The following CERS4 variants were observed in gnomAD, a reference collection of about 807,000 sequenced individuals.
CERS4 encodes ceramide synthase 4.
CERS4 carries 65 observed loss-of-function variants against 51.8 expected under a neutral mutation model. That is an observed-to-expected ratio of 1.26 (90% CI 1.03 to 1.54). CERS4 has a LOEUF of 1.54. Ranked by LOEUF, CERS4 falls within the 40% of genes most tolerant of loss-of-function variation. CERS4 has a pLI of 0.00. For synonymous variants in CERS4, 228 were observed against 208.4 expected, an observed-to-expected ratio of 1.09 and a Z score of -0.81; for missense variants, 563 against 500.4, an observed-to-expected ratio of 1.13 and a Z score of -1.19.
chr19:8,230,470 G>A (rs973008557), intron 2 of CERS4, among the ~76,000 whole-genome samples: 3 of 152,086 alleles, frequency 2.0e-5, no homozygotes, highest in African/African-American at 2.4e-5. Flanking sequence ...GATTACAGGC[G>A]GGAGCCACTG....
At chr19:8,257,428 G>C (rs921817377) in intron 9 of CERS4, among the ~76,000 whole-genome samples, 1 of 131,662 alleles carries the variant, frequency 7.6e-6, no homozygotes, top group East Asian at 2.2e-4. Flanking sequence ...GTGCACACAC[G>C]CATGTATTCA....
rs1349357731 is a variant in CERS4 at position 8,255,624 on chromosome 19, G to A, written c.309G>A (p.Leu103=). Residue 103 remains leucine (L), a synonymous_variant, in exon 5 of 12, where the codon CTG becomes CTA. Coordinates refer to ENST00000251363, the MANE Select transcript of CERS4 (RefSeq NM_024552.3). ...HRPKEPQLSL[L]AAQCGLTLQQ... ...CTCCCCAGCCCCAGCTGTCTCTCCT[G>A]GCCGCCCAGTGTGGCCTCACGCTGC... 2.5e-6 allele frequency: 4 copies of A among 1,612,294 alleles called. No individual in the cohort carries two copies. The highest frequency in any genetic ancestry group is 8.5e-7 in the Non-Finnish European group (1 of 1,179,902).
chr19:8,250,041 C>T (rs922526715), intron 2 of CERS4, among the ~76,000 whole-genome samples: 1 of 152,080 alleles, frequency 6.6e-6, no homozygotes, highest in Non-Finnish European at 1.5e-5. Context: ...GTGGCATGAT[C>T]TCGGCTCACT....
intron 9 of CERS4, among the ~76,000 whole-genome samples, chr19:8,257,440 AT>A (rs34718857): frequency 0.65 from 98,402 of 150,678 alleles, 32,702 homozygotes; most frequent in African/African-American, 0.76. Context: ...ATGTATTCAC[AT>A]TTTTTTTTTT....
chr19:8,219,754 G>A (rs947436173), intron 2 of CERS4, among the ~76,000 whole-genome samples: 4 of 152,142 alleles, frequency 2.6e-5, no homozygotes, highest in Non-Finnish European at 5.9e-5. Flanking sequence ...GGGAGGTGGA[G>A]GTTGCAATGA....
intron 2 of CERS4, among the ~76,000 whole-genome samples, chr19:8,246,150 G>A (rs1968778940): frequency 6.6e-6 from 1 of 151,924 alleles, no homozygotes; most frequent in Non-Finnish European, 1.5e-5. Flanking sequence ...ACAGGACAGG[G>A]GTGGAGGTTG....
intron 3 of CERS4, among the ~76,000 whole-genome samples, chr19:8,253,331 CCA>C (rs1386107806): frequency 1.1e-4 from 17 of 152,166 alleles, no homozygotes; most frequent in Non-Finnish European, 2.4e-4. Context: ...AGGACCCAGG[CCA>C]CAGTGAGACA....
chr19:8,251,285 C>T lies in CERS4; in HGVS notation c.173+36C>T, dbSNP rs565048266. ...GCCCTGCCGCAATCCATTGCCCCCG[C>T]AGTCGCTCCAGTATGTGCTCGTGCC... On this transcript the variant is annotated intron_variant, in intron 3 of 11. Transcript: ENST00000251363. The T allele has an allele frequency of 3.9e-6, 6 of 1,540,514 alleles. No homozygotes were observed. The Admixed American group carries it at 1.0e-4, about 26-fold the overall frequency.
intron 2 of CERS4, among the ~76,000 whole-genome samples, chr19:8,246,290 G>T (rs1968785340): frequency 1.3e-5 from 2 of 152,126 alleles, no homozygotes; most frequent in Non-Finnish European, 1.5e-5. Context: ...AGGCGCAGTG[G>T]CTCATGCCTG....
intron 2 of CERS4, among the ~76,000 whole-genome samples, chr19:8,247,940 G>T (rs1968863361): frequency 6.7e-6 from 1 of 148,882 alleles, no homozygotes; most frequent in Admixed American, 6.7e-5. Context: ...CACCATGTGG[G>T]CCAGGCTGGT....
intron 2 of CERS4, among the ~76,000 whole-genome samples, chr19:8,243,273 T>C (rs532080902): frequency 6.6e-6 from 1 of 150,762 alleles, no homozygotes; most frequent in African/African-American, 2.4e-5. Context: ...CTGTGAGAGC[T>C]GAGTACAGTT....
At position 8,258,594 on chromosome 19, in the gene CERS4, C is replaced by T. The variant is rs1160513476; in HGVS notation, c.848+609C>T. ...CCACAGTGGCTCACCCCTGTAATCCCAACACTTTGTGAGGCTGAGGCAGGA... is the reference window on the plus strand; with the variant it reads ...CCACAGTGGCTCACCCCTGTAATCCTAACACTTTGTGAGGCTGAGGCAGGA... On this transcript the variant is annotated intron_variant, in intron 10 of 11. Transcript: ENST00000251363. Among the ~76,000 whole-genome samples the T allele has an allele frequency of 2.6e-5, 4 of 151,976 alleles. No individual in the cohort carries two copies. The East Asian group carries it at 7.7e-4, about 29-fold the overall frequency.
In CERS4 at chr19:8,257,063, G is replaced by T. The variant is rs969819801; in HGVS notation, c.727G>T (p.Asp243Tyr). Residue 243 changes from aspartate (D) to tyrosine (Y), a missense_variant, in exon 9 of 12, where the codon GAC becomes TAC. Asp to Tyr is a radical substitution (Grantham distance 160). Coordinates refer to ENST00000251363, the MANE Select transcript of CERS4 (RefSeq NM_024552.3). ...GGTGCTGCTGTTACACGATTCCTCTGACTACCTGCTGGAGGTGGGCCCGAC... is the reference window on the plus strand; with the variant it reads ...GGTGCTGCTGTTACACGATTCCTCTTACTACCTGCTGGAGGTGGGCCCGAC... The part of the protein sequence containing the change: ...SLVLLLHDSS[D>Y]YLLEACKMVN... 1.2e-6 allele frequency: 2 copies of T among 1,602,520 alleles called. No individual in the cohort carries two copies. The highest frequency in any genetic ancestry group is 2.2e-5 in the East Asian group (1 of 44,682).
chr19:8,256,017 G>A lies in CERS4; in HGVS notation c.468+138G>A, dbSNP rs369494922. The A allele has an allele frequency of 1.2e-5, 12 of 1,036,764 alleles. No individual in the cohort carries two copies. The East Asian group carries it at 1.5e-4, about 13-fold the overall frequency. 64.2% of individuals were successfully genotyped at this position (1,036,764 alleles called of 1,614,324 possible). ...GAGAGAGCGAGCTTTGCAAGATGGT[G>A]GTGAATGTTCACTCAACAGGTATTT... On this transcript the variant is annotated intron_variant, in intron 6 of 11. Coordinates refer to ENST00000251363, the MANE Select transcript of CERS4 (RefSeq NM_024552.3).
At chr19:8,233,947 G>A (rs1968125896) in intron 2 of CERS4, among the ~76,000 whole-genome samples, 1 of 151,716 alleles carries the variant, frequency 6.6e-6, no homozygotes, top group African/African-American at 2.4e-5. Context: ...TTGAGCCTGG[G>A]TGGTGAAGGT....
chr19:8,220,845 G>A (rs1467779166), intron 2 of CERS4, among the ~76,000 whole-genome samples: 11 of 148,252 alleles, frequency 7.4e-5, no homozygotes, highest in Non-Finnish European at 1.5e-4. Context: ...TTTTTGAGAC[G>A]GAGTCTCGCT....
At chr19:8,229,455 G>C (rs1249420269) in intron 2 of CERS4, among the ~76,000 whole-genome samples, 1 of 151,530 alleles carries the variant, frequency 6.6e-6, no homozygotes, top group Admixed American at 6.6e-5. Context: ...CTCTCACCCA[G>C]GCTGGAGTTC....
intron 2 of CERS4, among the ~76,000 whole-genome samples, chr19:8,213,351 G>A (rs1031030920): frequency 1.3e-5 from 2 of 151,998 alleles, no homozygotes; most frequent in Non-Finnish European, 1.5e-5. Flanking sequence ...TTGCTCTGTC[G>A]CTCAGGTTGG....
Position 8,257,003 on chromosome 19 carries a change from T to G in CERS4, c.667T>G (p.Ser223Ala), listed in dbSNP as rs751321651. 1 of 1,613,988 alleles carries G rather than the reference T, an allele frequency of 6.2e-7. No individual in the cohort carries two copies. The highest frequency in any genetic ancestry group is 1.6e-4 in the Middle Eastern group (1 of 6,062). The change falls in exon 9 of 12, where the codon TCC becomes GCC. Residue 223 changes from serine to alanine, a missense_variant. By Grantham distance (99) the Ser-to-Ala change is moderately conservative. Transcript: ENST00000251363. Reference protein sequence around the residue: ...HFVAVILMTFSYSANLLRIGS... With the variant: ...HFVAVILMTFAYSANLLRIGS... ...CGTGGCGGTCATCCTGATGACCTTC[T>G]CCTACAGTGCCAACCTGCTGCGCAT...
Sources: allele counts gnomAD v4.1 joint callset (sites outside exome capture counted in the v4.1 genomes callset), GRCh38; gene constraint gnomAD v4.1.1; transcripts MANE v1.5; gene names NCBI Gene and HGNC (gene_info 2026-07-23, HGNC 2026-07-21).